Variants in RANBP2 observed in about 807,000 individuals in gnomAD.
RANBP2 encodes the protein E3 SUMO-protein ligase RanBP2.
A neutral mutation model predicts 303.6 loss-of-function variants in RANBP2; 57 were observed. That is an observed-to-expected ratio of 0.19 (90% confidence interval 0.15 to 0.23). The LOEUF (loss-of-function observed/expected upper bound fraction) is 0.23, where lower values mean the gene tolerates loss of function less well. Among genes scored for constraint, RANBP2 ranks in the 10% least tolerant of loss-of-function variants. RANBP2 has a pLI of 1.00. For missense variants in RANBP2, 3,138 were observed against 3,780.8 expected, an observed-to-expected ratio of 0.83 and a Z score of 4.46; for synonymous variants, 1,167 against 1,301.5, an observed-to-expected ratio of 0.90 and a Z score of 2.23.
chr2:109,240,037 C>T, the RANBP2 span, among the ~76,000 whole-genome samples: 3 of 152,242 alleles, frequency 2.0e-5, no homozygotes, highest in South Asian at 2.1e-4. Context: ...TAGTGGTGGC[C>T]GGGGCTCTGG....
In RANBP2 at chr2:108,767,084, C is replaced by T; in HGVS notation, c.6545C>T (p.Thr2182Ile). Reference protein sequence around the residue: ...EMKSGLKDFKTFLTNDQTKVT... With the variant: ...EMKSGLKDFKIFLTNDQTKVT... ...AAGAGTGGACTGAAAGATTTCAAAA[C>T]ATTTTTGACAAATGATCAAACAAAA... The change falls in exon 20 of 29, where the codon ACA becomes ATA. Residue 2182 changes from threonine to isoleucine, a missense_variant. Thr to Ile is a moderately conservative substitution (Grantham distance 89). Around this residue, in one of 20 missense-constraint regions of RANBP2, gnomAD observed 103 missense variants for 214.3 expected, o/e 0.48. Coordinates refer to ENST00000283195, the MANE Select transcript of RANBP2 (RefSeq NM_006267.5). 1 of 1,611,050 alleles carries T rather than the reference C, an allele frequency of 6.2e-7. No homozygotes were observed. The highest frequency in any genetic ancestry group is 8.5e-7 in the Non-Finnish European group (1 of 1,179,256).
At chr2:109,553,639 G>A in the RANBP2 span, among the ~76,000 whole-genome samples, 2 of 151,804 alleles carry the variant, frequency 1.3e-5, no homozygotes, top group Non-Finnish European at 2.9e-5. Context: ...GATCACCTGA[G>A]GTCAGGAGTT....
At chr2:109,688,245 G>A in the RANBP2 span, among the ~76,000 whole-genome samples, 1 of 152,174 alleles carries the variant, frequency 6.6e-6, no homozygotes, top group Non-Finnish European at 1.5e-5. Context: ...GTGCCCTGTG[G>A]ATGAGATCTT....
the RANBP2 span, among the ~76,000 whole-genome samples, chr2:109,078,150 AGCATG>A: frequency 8.0e-6 from 1 of 125,156 alleles, no homozygotes; most frequent in South Asian, 2.6e-4. Context: ...GTATATATAT[AGCATG>A]TATATATATA....
At chr2:108,923,385 G>A in the RANBP2 span, 1 of 1,614,192 alleles carries the variant, frequency 6.2e-7, no homozygotes, top group Non-Finnish European at 8.5e-7. Context: ...GGTGTTGGGG[G>A]GTGCCAGGAG....
the RANBP2 span, among the ~76,000 whole-genome samples, chr2:109,057,842 C>T: frequency 6.6e-6 from 1 of 152,320 alleles, no homozygotes; most frequent in Middle Eastern, 3.4e-3. Context: ...TGTGTGTTTT[C>T]TCCTGCCTGG....
intron 4 of RANBP2, 85 bp from the exon 5 acceptor site, chr2:108,735,447 G>T: frequency 1.3e-6 from 2 of 1,596,784 alleles, no homozygotes; most frequent in Non-Finnish European, 1.7e-6. Flanking sequence ...ACTAGACATA[G>T]TGGAATGGTG....
At chr2:109,363,010 A>G in the RANBP2 span, among the ~76,000 whole-genome samples, 1 of 152,198 alleles carries the variant, frequency 6.6e-6, no homozygotes, top group Non-Finnish European at 1.5e-5. Flanking sequence ...TTATTTTATC[A>G]ACTTAAAATT....
the RANBP2 span, among the ~76,000 whole-genome samples, chr2:109,725,479 G>A: frequency 6.6e-6 from 1 of 152,118 alleles, no homozygotes; most frequent in Non-Finnish European, 1.5e-5. Flanking sequence ...TTCATTAGTG[G>A]GGAGATGAAC....
At chr2:109,197,398 G>A in the RANBP2 span, among the ~76,000 whole-genome samples, 1 of 152,174 alleles carries the variant, frequency 6.6e-6, no homozygotes, top group African/African-American at 2.4e-5. Flanking sequence ...CTTGCAAGCT[G>A]TTTGTCCTCG....
chr2:108,720,034 C>T (rs1694104941), intron 1 of RANBP2: 1 of 985,272 alleles, frequency 1.0e-6, no homozygotes, highest in Non-Finnish European at 1.2e-6. Context: ...CACCCGGGTG[C>T]TGTATCGGCG....
the RANBP2 span, among the ~76,000 whole-genome samples, chr2:109,398,153 C>T: frequency 5.9e-5 from 9 of 152,290 alleles, no homozygotes; most frequent in African/African-American, 1.9e-4. Flanking sequence ...AAATCTCCTC[C>T]GGGGACCTGC....
chr2:109,640,676 C>T, the RANBP2 span, among the ~76,000 whole-genome samples: 1 of 152,140 alleles, frequency 6.6e-6, no homozygotes, highest in Non-Finnish European at 1.5e-5. Flanking sequence ...TGCCTTCCAA[C>T]TGCTCTTAGG....
the RANBP2 span, chr2:108,895,318 T>G: frequency 1.3e-5 from 2 of 152,606 alleles, no homozygotes; most frequent in East Asian, 3.8e-4. Context: ...CAACCTCGCT[T>G]TATAAGTCAG....
chr2:109,353,499 G>A, the RANBP2 span, among the ~76,000 whole-genome samples: 16 of 152,276 alleles, frequency 1.1e-4, no homozygotes, highest in Non-Finnish European at 1.6e-4. Flanking sequence ...CCCCACCACC[G>A]CCTGGCCCCA....
At chr2:109,699,248 C>T in the RANBP2 span, among the ~76,000 whole-genome samples, 1 of 152,184 alleles carries the variant, frequency 6.6e-6, no homozygotes, top group Non-Finnish European at 1.5e-5. Context: ...GCTCCAAACG[C>T]CCTTTCTTTG....
At chr2:109,539,046 T>G in the RANBP2 span, among the ~76,000 whole-genome samples, 1 of 152,112 alleles carries the variant, frequency 6.6e-6, no homozygotes, top group Non-Finnish European at 1.5e-5. Context: ...ACGCCTGTAT[T>G]TCCAACACTT....
At chr2:108,825,582 T>C in the RANBP2 span, among the ~76,000 whole-genome samples, 3 of 152,218 alleles carry the variant, frequency 2.0e-5, no homozygotes, top group African/African-American at 4.8e-5. Context: ...GTTCCGTGGC[T>C]GACTCATTTA....
chr2:109,162,456 C>T, the RANBP2 span, among the ~76,000 whole-genome samples: 3 of 152,188 alleles, frequency 2.0e-5, no homozygotes, highest in African/African-American at 7.2e-5. Flanking sequence ...GGTACATGTG[C>T]ACAACGTGCA....
Sources: allele counts gnomAD v4.1 joint callset (sites outside exome capture counted in the v4.1 genomes callset), GRCh38; gene constraint gnomAD v4.1.1; regional missense constraint gnomAD v4.1.1; transcripts MANE v1.5; gene names NCBI Gene and HGNC (gene_info 2026-07-23, HGNC 2026-07-21).